BRCA2: variants seen among roughly 807,000 people sequenced by gnomAD.
The protein encoded by BRCA2 is BRCA2 DNA repair associated.
A neutral mutation model predicts 276.7 loss-of-function variants in BRCA2; 203 were observed. The ratio of observed to expected loss-of-function variants is 0.73; its 90% CI spans 0.65 to 0.82. The LOEUF (loss-of-function observed/expected upper bound fraction) is 0.82, where lower values mean the gene tolerates loss of function less well. BRCA2 is among the 40% of genes least tolerant of loss of function. The pLI is 0.00. For synonymous variants in BRCA2, 1,289 were observed against 1,338.4 expected (o/e 0.96, Z 0.81); for missense variants, 3,920 against 3,915.0 (o/e 1.00, Z -0.03).
Position 32,326,588 on chromosome 13 carries a change from C to T in BRCA2, c.606C>T (p.Pro202=), listed in dbSNP as rs747726394. The T allele has an allele frequency of 1.2e-6, 2 of 1,609,848 alleles. No homozygotes were observed. Among genetic ancestry groups the T allele is most frequent in the Admixed American group, 3.3e-5 (2 of 60,018 alleles). ...GGTCAAGTTCTTTAGCTACACCACC[C>T]ACCCTTAGTTCTACTGTGCTCATAG... ...MSWSSSLATP[P]TLSSTVLIVR... is the part of the protein sequence containing the mutation. The change falls in exon 7 of 27, where the codon CCC becomes CCT. Residue 202 remains proline (P), a synonymous_variant. Transcript: ENST00000380152.
At chr13:32,347,030 T>A (rs2072616845) in intron 13 of BRCA2, 134 bp downstream of exon 13, 1 of 667,210 alleles carries the variant, frequency 1.5e-6, no homozygotes, top group African/African-American at 1.8e-5. Flanking sequence ...ATTTATAAAA[T>A]ACTTTGGTAG....
At position 32,355,053 on chromosome 13, in the gene BRCA2, C is replaced by A. The variant is rs766705361; in HGVS notation, c.7200C>A (p.Gly2400=). The change falls in exon 14 of 27, where the codon GGC becomes GGA. Residue 2400 remains glycine, a synonymous_variant. Coordinates refer to ENST00000380152, the MANE Select transcript of BRCA2 (RefSeq NM_000059.4). ...AAATGAGACACTTGATTACTACAGGCAGACCAACCAAAGTCTTTGTTCCAC... is the reference window on the plus strand; with the variant it reads ...AAATGAGACACTTGATTACTACAGGAAGACCAACCAAAGTCTTTGTTCCAC... ...NEKMRHLITT[G]RPTKVFVPPF... The A allele has an allele frequency of 6.2e-7, 1 of 1,614,010 alleles. No homozygotes were observed. The highest frequency in any genetic ancestry group is 1.3e-5 in the African/African-American group (1 of 75,036).
intron 20 of BRCA2, among the ~76,000 whole-genome samples, chr13:32,372,493 G>A (rs2072841304): frequency 6.6e-6 from 1 of 152,176 alleles, no homozygotes; most frequent in Admixed American, 6.5e-5. Flanking sequence ...GGTGGCAGAA[G>A]AGAGAGTGCA....
At chr13:32,376,930 T>C in intron 21 of BRCA2, 139 bp downstream of exon 21, 1 of 1,245,324 alleles carries the variant, frequency 8.0e-7, no homozygotes, top group Non-Finnish European at 1.1e-6. Flanking sequence ...TTCTGGGATT[T>C]TCAGTGATGT....
intron 15 of BRCA2, among the ~76,000 whole-genome samples, chr13:32,356,812 G>A (rs2072702051): frequency 6.6e-6 from 1 of 152,228 alleles, no homozygotes. Flanking sequence ...AAAGTGATCT[G>A]TGCTTCCAAA....
At chr13:32,388,037 C>A (rs541110841) in intron 24 of BRCA2, among the ~76,000 whole-genome samples, 1 of 151,906 alleles carries the variant, frequency 6.6e-6, no homozygotes, top group South Asian at 2.1e-4. Flanking sequence ...TGTCTTGTGT[C>A]TTTATTTCTT....
rs587780872 is a variant in BRCA2, at chr13:32,370,396, G to T, written c.8332-6G>T. On this transcript the variant is annotated splice_region_variant and splice_polypyrimidine_tract_variant and intron_variant, in intron 18 of 26. Transcript: ENST00000380152. ...ACTAAATCAATATATTTATTAATTT[G>T]TCCAGATTTCTGCTAACAGTACTCG... is the stretch of plus-strand genomic sequence containing the variant. The T allele has an allele frequency of 3.7e-6, 6 of 1,611,230 alleles. No individual in the cohort carries two copies. The highest frequency in any genetic ancestry group is 2.2e-5 in the East Asian group (1 of 44,850).
chr13:32,337,846 T>A lies in BRCA2; in HGVS notation c.3491T>A (p.Leu1164His), dbSNP rs746847103. ...TCTGAGGAATGCAGAGATGCTGATC[T>A]TCATGTCATAATGAATGCCCCATCG... ...TTSEECRDAD[L>H]HVIMNAPSIG... Residue 1164 changes from leucine to histidine, a missense_variant, in exon 11 of 27, where the codon CTT (leucine) becomes CAT (histidine). Transcript: ENST00000380152. The A allele has an allele frequency of 3.1e-6, 5 of 1,614,100 alleles. No homozygotes were observed. The South Asian group carries it at 5.5e-5, about 18-fold the overall frequency.
At position 32,329,936 on chromosome 13, in the gene BRCA2, G is replaced by A. The variant is rs997626247; in HGVS notation, c.681+444G>A. 6.6e-5 allele frequency among the ~76,000 whole-genome samples: 10 copies of A among 152,166 alleles called. No individual in the cohort carries two copies. In the South Asian group the frequency reaches 1.5e-3, roughly 22 times the overall value. ...AATAGGACAATTATAACAAAATACCGTAATAAAAGTTATGTGAATGTTGTC... is the reference window on the plus strand; with the variant it reads ...AATAGGACAATTATAACAAAATACCATAATAAAAGTTATGTGAATGTTGTC... On this transcript the variant is annotated intron_variant, in intron 8 of 26. Coordinates refer to ENST00000380152, the MANE Select transcript of BRCA2 (RefSeq NM_000059.4).
intron 18 of BRCA2, among the ~76,000 whole-genome samples, chr13:32,367,672 A>G (rs1400614298): frequency 3.3e-5 from 5 of 151,674 alleles, no homozygotes; most frequent in African/African-American, 9.7e-5. Context: ...GCATGTGCCT[A>G]TAGTCCCAGC....
At chr13:32,321,395 G>A (rs2072305572) in intron 3 of BRCA2, among the ~76,000 whole-genome samples, 1 of 152,136 alleles carries the variant, frequency 6.6e-6, no homozygotes, top group African/African-American at 2.4e-5. Flanking sequence ...TATGTTATAA[G>A]AGCATGTACC....
At chr13:32,343,675 G>A (rs1337769703) in intron 11 of BRCA2, among the ~76,000 whole-genome samples, 1 of 151,478 alleles carries the variant, frequency 6.6e-6, no homozygotes, top group Non-Finnish European at 1.5e-5. Context: ...TTCTGTTCTT[G>A]TGCATACTGA....
At chr13:32,370,318 G>A in intron 18 of BRCA2, 84 bp from the exon 19 acceptor site, 1 of 1,361,260 alleles carries the variant, frequency 7.3e-7, no homozygotes, top group Non-Finnish European at 1.0e-6. Context: ...GGCAGTTCTA[G>A]AAGAATGAAA....
chr13:32,323,501 A>G (rs2072321999), intron 3 of BRCA2, among the ~76,000 whole-genome samples: 1 of 152,152 alleles, frequency 6.6e-6, no homozygotes. Flanking sequence ...GCTACTTTTT[A>G]GTATCTTTAA....
rs2072505667 is a variant in BRCA2 at position 32,338,842 on chromosome 13, C to T, written c.4487C>T (p.Pro1496Leu). The T allele has an allele frequency of 6.2e-7, 1 of 1,613,704 alleles. No homozygotes were observed. The highest frequency in any genetic ancestry group is 2.2e-5 in the East Asian group (1 of 44,872). The change falls in exon 11 of 27, where the codon CCA (proline) becomes CTA (leucine). Residue 1496 changes from proline to leucine, a missense_variant. This residue lies in a region of BRCA2 where 3,263 missense variants were observed against 3,156.9 expected (regional missense o/e 1.03). Transcript: ENST00000380152. Reference sequence around the variant, plus strand: ...CACAAAATACTGAAAGAAAGTGTCCCAGTTGGTACTGGAAATCAACTAGTG... The same window carrying T: ...CACAAAATACTGAAAGAAAGTGTCCTAGTTGGTACTGGAAATCAACTAGTG... ...VKHKILKESV[P>L]VGTGNQLVTF...
In BRCA2 at chr13:32,326,527, A is replaced by G. The variant is rs786202685; in HGVS notation, c.545A>G (p.Glu182Gly). The change falls in exon 7 of 27, where the codon GAA becomes GGA. Residue 182 changes from glutamate (E) to glycine (G), a missense_variant. This residue lies in a region of BRCA2 where 3,263 missense variants were observed against 3,156.9 expected (regional missense o/e 1.03). Coordinates refer to ENST00000380152, the MANE Select transcript of BRCA2 (RefSeq NM_000059.4). ...KGRQTPKHIS[E>G]SLGAEVDPDM... The stretch of plus-strand genomic sequence containing the variant: ...CGTCAGACACCAAAACATATTTCTG[A>G]AAGTCTAGGAGCTGAGGTGGATCCT... 1.2e-6 allele frequency: 2 copies of G among 1,613,880 alleles called. No individual in the cohort carries two copies. The highest frequency in any genetic ancestry group is 1.1e-5 in the South Asian group (1 of 91,078).
chr13:32,377,217 T>C (rs751356526), intron 21 of BRCA2, among the ~76,000 whole-genome samples: 1 of 152,194 alleles, frequency 6.6e-6, no homozygotes, highest in African/African-American at 2.4e-5. Flanking sequence ...TGGGTAGAAA[T>C]GTTTCCGAAG....
chr13:32,318,248 C>T (rs1252869846), intron 2 of BRCA2, among the ~76,000 whole-genome samples: 6 of 152,156 alleles, frequency 3.9e-5, no homozygotes, highest in African/African-American at 7.2e-5. Context: ...GATTCCATAG[C>T]GTTATTATGA....
chr13:32,388,966 C>CT (rs2072979919), intron 24 of BRCA2, among the ~76,000 whole-genome samples: 1 of 152,136 alleles, frequency 6.6e-6, no homozygotes, highest in Non-Finnish European at 1.5e-5. Flanking sequence ...GTTTCTCCTG[C>CT]TTTTCATTCC....
Sources: allele counts gnomAD v4.1 joint callset (sites outside exome capture counted in the v4.1 genomes callset), GRCh38; gene constraint gnomAD v4.1.1; regional missense constraint gnomAD v4.1.1; transcripts MANE v1.5; gene names NCBI Gene and HGNC (gene_info 2026-07-23, HGNC 2026-07-21).